The following ITPK1 variants were observed in gnomAD, a reference collection of about 807,000 sequenced individuals.
The protein encoded by ITPK1 is inositol 1,3,4-trisphosphate 5/6-kinase.
ITPK1 carries 21 observed loss-of-function variants against 45.3 expected under a neutral mutation model. The observed-to-expected ratio is 0.46, with a 90% CI of 0.33 to 0.67. The LOEUF (loss-of-function observed/expected upper bound fraction) is 0.67, where lower values mean the gene tolerates loss of function less well. Among genes scored for constraint, ITPK1 ranks in the 30% least tolerant of loss-of-function variants. The pLI is 0.02. For synonymous variants in ITPK1, 258 were observed against 253.6 expected (o/e 1.02, Z -0.16); for missense variants, 474 against 573.5 (o/e 0.83, Z 1.77).
In ITPK1 at chr14:92,962,224, A is replaced by C. The variant is rs965112176; in HGVS notation, c.504+131T>G. On this transcript the variant is annotated intron_variant, in intron 7 of 10. Coordinates refer to ENST00000267615, the MANE Select transcript of ITPK1 (RefSeq NM_014216.6). ...GGAGTCCAGGGAAGGGAAGGAGGCT[A>C]TCTACCAAGGAGCCAGGACTAACAG... The C allele has an allele frequency of 4.9e-5, 37 of 751,892 alleles. No homozygotes were observed. The East Asian group carries it at 9.0e-4, about 18-fold the overall frequency. 46.6% of individuals were successfully genotyped at this position (751,892 alleles called of 1,614,324 possible).
intron 4 of ITPK1, among the ~76,000 whole-genome samples, chr14:93,015,827 G>A (rs1411428809): frequency 6.6e-6 from 1 of 152,196 alleles, no homozygotes; most frequent in East Asian, 1.9e-4. Context: ...TCGGCAGGAC[G>A]GCAGCACCGG....
At chr14:92,947,945 C>T (rs1335600768) in intron 9 of ITPK1, among the ~76,000 whole-genome samples, 4 of 152,192 alleles carry the variant, frequency 2.6e-5, no homozygotes, top group African/African-American at 4.8e-5. Flanking sequence ...CATACCCCAG[C>T]GTGCATCCAC....
chr14:93,113,743 A>G (rs1027548869), intron 2 of ITPK1, among the ~76,000 whole-genome samples: 1 of 152,184 alleles, frequency 6.6e-6, no homozygotes, highest in African/African-American at 2.4e-5. Context: ...TGCATGCCCT[A>G]TTGATCATGA....
At chr14:92,960,619 G>A (rs1019238147) in intron 7 of ITPK1, among the ~76,000 whole-genome samples, 5 of 152,194 alleles carry the variant, frequency 3.3e-5, no homozygotes, top group Non-Finnish European at 5.9e-5. Flanking sequence ...CCCTCCTCCC[G>A]GGCTGCCAGG....
chr14:93,050,673 A>AG (rs1409255282), intron 3 of ITPK1, among the ~76,000 whole-genome samples: 2 of 151,890 alleles, frequency 1.3e-5, no homozygotes, highest in Non-Finnish European at 2.9e-5. Context: ...CCTGGATGTG[A>AG]GGGGGGTCCA....
At chr14:93,010,521 TG>T (rs778032382) in intron 4 of ITPK1, among the ~76,000 whole-genome samples, 21 of 152,224 alleles carry the variant, frequency 1.4e-4, no homozygotes, top group East Asian at 1.2e-3. Context: ...AGGTGAAGGG[TG>T]GGGCTAGGAA....
At chr14:92,983,229 G>A (rs1886316770) in intron 5 of ITPK1, among the ~76,000 whole-genome samples, 1 of 152,186 alleles carries the variant, frequency 6.6e-6, no homozygotes, top group African/African-American at 2.4e-5. Flanking sequence ...TGTGGCAGCT[G>A]CTCCCACTGA....
intron 2 of ITPK1, among the ~76,000 whole-genome samples, chr14:93,086,907 A>G (rs912915464): frequency 9.2e-5 from 14 of 152,338 alleles, no homozygotes; most frequent in African/African-American, 3.4e-4. Context: ...GGCCCCTCAG[A>G]TATTTTCGGG....
intron 5 of ITPK1, among the ~76,000 whole-genome samples, chr14:92,981,501 A>T (rs1389522014): frequency 1.3e-5 from 2 of 151,540 alleles, no homozygotes; most frequent in Non-Finnish European, 2.9e-5. Context: ...AACCAGGACC[A>T]CCCCTTCCTG....
chr14:93,001,215 C>G (rs1208212578), intron 4 of ITPK1, among the ~76,000 whole-genome samples: 1 of 152,046 alleles, frequency 6.6e-6, no homozygotes, highest in Non-Finnish European at 1.5e-5. Context: ...ATCGCTTGTA[C>G]CTGGGAGGCA....
chr14:93,105,548 A>C, intron 2 of ITPK1, among the ~76,000 whole-genome samples: 1 of 127,580 alleles, frequency 7.8e-6, no homozygotes, highest in Non-Finnish European at 1.6e-5. Flanking sequence ...TTGGAGACGG[A>C]GTCTTGCTCT....
chr14:93,088,163 C>T (rs74684644), intron 2 of ITPK1, among the ~76,000 whole-genome samples: 31,387 of 151,958 alleles, frequency 0.21, 3,310 homozygotes, highest in South Asian at 0.33. Flanking sequence ...CAGTAATCCC[C>T]GAGCTCTCTC....
rs996624116 is a variant in ITPK1 at position 93,034,150 on chromosome 14, C to G, written c.121-17349G>C. On this transcript the variant is annotated intron_variant, in intron 3 of 10. Coordinates refer to ENST00000267615, the MANE Select transcript of ITPK1 (RefSeq NM_014216.6). The surrounding 1 kb of genome is among the most constrained non-coding windows in gnomAD (Gnocchi z 4.1). ...TCCCTGGTAAGCCCTGCCCCGACAC[C>G]TTCCTCCCAGGTGCCCTCCCCCACA... Among the ~76,000 whole-genome samples the G allele has an allele frequency of 6.6e-6, 1 of 152,150 alleles. No individual in the cohort carries two copies. The highest frequency in any genetic ancestry group is 2.1e-4 in the South Asian group (1 of 4,828).
intron 5 of ITPK1, among the ~76,000 whole-genome samples, chr14:92,968,539 G>C (rs957145775): frequency 6.6e-6 from 1 of 152,152 alleles, no homozygotes; most frequent in African/African-American, 2.4e-5. Flanking sequence ...CTGAGGTGAA[G>C]TCAGAGAAGG....
rs915101512 is a variant in ITPK1, at chr14:92,974,395, C to T, written c.365-11546G>A. Among the ~76,000 whole-genome samples, 4 of 152,318 alleles carry T rather than the reference C, an allele frequency of 2.6e-5. No homozygotes were observed. The East Asian group carries it at 7.7e-4, about 29-fold the overall frequency. On this transcript the variant is annotated intron_variant, in intron 5 of 10. Transcript: ENST00000267615. ...CTGAAGCTGGCATGCCCTGGGGATGCAGGACAAACAGCCTGGCTCCTGGAA... is the reference window on the plus strand; with the variant it reads ...CTGAAGCTGGCATGCCCTGGGGATGTAGGACAAACAGCCTGGCTCCTGGAA...
intron 5 of ITPK1, among the ~76,000 whole-genome samples, chr14:92,982,026 G>C (rs1886259577): frequency 6.6e-6 from 1 of 152,260 alleles, no homozygotes; most frequent in Admixed American, 6.5e-5. Context: ...GGGGCAGTAT[G>C]ACAGGAGACG....
intron 2 of ITPK1, among the ~76,000 whole-genome samples, chr14:93,089,113 C>T (rs1891769385): frequency 6.6e-6 from 1 of 152,214 alleles, no homozygotes; most frequent in Admixed American, 6.5e-5. Context: ...CAACCACCTG[C>T]TGCCCTAATC....
intron 3 of ITPK1, among the ~76,000 whole-genome samples, chr14:93,030,082 C>G (rs1888955699): frequency 6.6e-6 from 1 of 152,340 alleles, no homozygotes; most frequent in East Asian, 1.9e-4. Context: ...ATGGCAAGCA[C>G]GAAGTTAGCG....
In ITPK1 at chr14:93,014,831, G is replaced by A. The variant is rs1888091530; in HGVS notation, c.246+1845C>T. ...ACCGCCATGAAGCGCTTTCGAGCAGGGCTTGGTAAGCGGTAACTGCTCTGC... is the reference window on the plus strand; with the variant it reads ...ACCGCCATGAAGCGCTTTCGAGCAGAGCTTGGTAAGCGGTAACTGCTCTGC... On this transcript the variant is annotated intron_variant, in intron 4 of 10. Coordinates refer to ENST00000267615, the MANE Select transcript of ITPK1 (RefSeq NM_014216.6). This position sits in a 1 kb window ranked among gnomAD's most constrained non-coding sequence, Gnocchi z 4.4. Among the ~76,000 whole-genome samples the A allele has an allele frequency of 6.6e-6, 1 of 152,230 alleles. No individual in the cohort carries two copies. Among genetic ancestry groups the A allele is most frequent in the African/African-American group, 2.4e-5 (1 of 41,456 alleles).
Sources: gnomAD v4.1 joint callset for allele counts (sites outside exome capture counted in the v4.1 genomes callset) on GRCh38, gnomAD v4.1.1 for gene constraint, Gnocchi (gnomAD v3.1) non-coding constraint, MANE v1.5 for transcripts, NCBI Gene and HGNC (gene_info 2026-07-23, HGNC 2026-07-21) for gene names.